The following IDO2 variants were observed in gnomAD, a reference collection of about 807,000 sequenced individuals.
The protein encoded by IDO2 is indoleamine 2,3-dioxygenase 2.
In IDO2, 46 loss-of-function variants were observed where a neutral mutation model predicts 45.1. The ratio of observed to expected loss-of-function variants is 1.02; its 90% CI spans 0.80 to 1.30. The LOEUF is 1.30. Ranked by LOEUF, IDO2 falls within the 50% of genes most tolerant of loss-of-function variation. IDO2 has a pLI of 0.00. For missense variants in IDO2, 544 were observed against 491.8 expected, an observed-to-expected ratio of 1.11 and a Z score of -1.00; for synonymous variants, 218 against 184.9, an observed-to-expected ratio of 1.18 and a Z score of -1.45.
intron 8 of IDO2, among the ~76,000 whole-genome samples, chr8:39,994,586 G>A (rs1320310142): frequency 1.3e-5 from 2 of 152,066 alleles, no homozygotes; most frequent in Admixed American, 6.6e-5. Flanking sequence ...GTTAGAAAGT[G>A]AGGAAGTTAC....
chr8:39,942,603 G>A (rs1452983028), intron 1 of IDO2, among the ~76,000 whole-genome samples: 2 of 150,772 alleles, frequency 1.3e-5, no homozygotes, highest in Admixed American at 6.7e-5. Flanking sequence ...TCAAGCCACG[G>A]CACTCCAGCC....
chr8:40,012,071 C>T (rs1802318194), intron 9 of IDO2, among the ~76,000 whole-genome samples: 2 of 152,196 alleles, frequency 1.3e-5, no homozygotes, highest in Admixed American at 1.3e-4. Flanking sequence ...TGGCTCCTTA[C>T]AGCACTTCCA....
intron 8 of IDO2, among the ~76,000 whole-genome samples, chr8:40,001,195 C>T (rs1802130219): frequency 6.7e-6 from 1 of 149,990 alleles, no homozygotes; most frequent in African/African-American, 2.5e-5. Context: ...TCTGTGTATA[C>T]AGGTACTCAC....
rs780947449 is a variant in IDO2, at chr8:39,979,201, G to T, written c.315+15G>T. ...AGCCTGCAGAGGTGAGGGCCAGAGA[G>T]CAGCTTCTCCTGTTACCCGGCAGGT... On this transcript the variant is annotated intron_variant, in intron 4 of 10. Transcript: ENST00000502986. 6.4e-6 allele frequency: 10 copies of T among 1,567,758 alleles called. No homozygotes were observed. In the South Asian group the frequency reaches 1.2e-4, roughly 18 times the overall value.
intron 1 of IDO2, among the ~76,000 whole-genome samples, chr8:39,946,374 C>T (rs919964195): frequency 2.0e-5 from 3 of 152,152 alleles, no homozygotes; most frequent in Non-Finnish European, 4.4e-5. Flanking sequence ...CTTTGGGAGG[C>T]CAAGGCAGGC....
intron 2 of IDO2, among the ~76,000 whole-genome samples, chr8:39,954,524 G>C (rs925798678): frequency 6.6e-6 from 1 of 152,082 alleles, no homozygotes; most frequent in African/African-American, 2.4e-5. Flanking sequence ...GGAAGTCCAA[G>C]ATCAAGGTGT....
intron 4 of IDO2, among the ~76,000 whole-genome samples, chr8:39,981,544 G>T (rs994519084): frequency 3.3e-5 from 5 of 151,920 alleles, no homozygotes; most frequent in African/African-American, 1.2e-4. Context: ...GGACCCGGAG[G>T]CTCCCCACAC....
intron 5 of IDO2, among the ~76,000 whole-genome samples, chr8:39,984,480 C>CAAACA (rs546896514): frequency 1.4e-3 from 211 of 152,182 alleles, no homozygotes; most frequent in African/African-American, 4.5e-3. Flanking sequence ...ATCTCAAAAA[C>CAAACA]AAACAAAACA....
chr8:39,974,340 T>G (rs938794508), intron 3 of IDO2, among the ~76,000 whole-genome samples: 2 of 152,192 alleles, frequency 1.3e-5, no homozygotes, highest in Non-Finnish European at 2.9e-5. Flanking sequence ...AGTTGGCACA[T>G]AGCAAAATGA....
intron 8 of IDO2, chr8:39,998,635 C>CTT (rs1304035064): frequency 2.2e-5 from 2 of 92,818 alleles, no homozygotes; most frequent in Admixed American, 1.3e-4. Context: ...TTTTTTTCTT[C>CTT]TTCTTTTTTT....
intron 4 of IDO2, among the ~76,000 whole-genome samples, chr8:39,980,788 C>T (rs919657483): frequency 1.2e-4 from 18 of 152,126 alleles, no homozygotes; most frequent in Admixed American, 2.0e-4. Context: ...TCACTCTTGT[C>T]GCCCAGGCTA....
At chr8:39,970,764 C>CTTTT (rs766122277) in intron 3 of IDO2, among the ~76,000 whole-genome samples, 17 of 112,448 alleles carry the variant, frequency 1.5e-4, no homozygotes, top group Admixed American at 2.9e-4. Context: ...CCAACCAGGA[C>CTTTT]TTTTTTTTTT....
intron 1 of IDO2, among the ~76,000 whole-genome samples, chr8:39,938,126 G>A (rs1807585826): frequency 6.6e-6 from 1 of 152,142 alleles, no homozygotes; most frequent in Non-Finnish European, 1.5e-5. Context: ...ATTAGAATAT[G>A]TTTGTTTTAT....
intron 9 of IDO2, among the ~76,000 whole-genome samples, chr8:40,009,396 AG>A (rs1200747847): frequency 2.0e-5 from 3 of 151,856 alleles, no homozygotes; most frequent in Non-Finnish European, 2.9e-5. Context: ...CATTCCCTTT[AG>A]TTCCCACACA....
At chr8:39,940,660 T>C (rs552987985) in intron 1 of IDO2, among the ~76,000 whole-genome samples, 2 of 152,326 alleles carry the variant, frequency 1.3e-5, no homozygotes, top group Admixed American at 1.3e-4. Flanking sequence ...CTTACTGTGC[T>C]ATAGAACACT....
intron 8 of IDO2, among the ~76,000 whole-genome samples, chr8:39,997,637 G>A (rs1195761347): frequency 6.6e-6 from 1 of 152,026 alleles, no homozygotes; most frequent in African/African-American, 2.4e-5. Flanking sequence ...TGAAGCCTGG[G>A]GACAGAGTGA....
intron 8 of IDO2, among the ~76,000 whole-genome samples, chr8:40,004,972 A>C (rs1046314385): frequency 6.6e-6 from 1 of 152,202 alleles, no homozygotes; most frequent in African/African-American, 2.4e-5. Context: ...GAGAGAGGTA[A>C]TTCTCTCTGC....
At chr8:39,954,524 G>T (rs925798678) in intron 2 of IDO2, among the ~76,000 whole-genome samples, 2 of 152,082 alleles carry the variant, frequency 1.3e-5, no homozygotes, top group Non-Finnish European at 2.9e-5. Context: ...GGAAGTCCAA[G>T]ATCAAGGTGT....
At chr8:40,014,283 T>C (rs1014414516) in intron 10 of IDO2, among the ~76,000 whole-genome samples, 2 of 152,218 alleles carry the variant, frequency 1.3e-5, no homozygotes, top group Non-Finnish European at 2.9e-5. Flanking sequence ...GAACTTAGTG[T>C]CGTAGATTCA....
Sources: gnomAD v4.1 joint callset for allele counts (sites outside exome capture counted in the v4.1 genomes callset) on GRCh38, gnomAD v4.1.1 for gene constraint, MANE v1.5 for transcripts, NCBI Gene and HGNC (gene_info 2026-07-23, HGNC 2026-07-21) for gene names.